SHISA7: variants seen among roughly 807,000 people sequenced by gnomAD.
The protein encoded by SHISA7 is protein shisa-7.
In SHISA7, 6 loss-of-function variants were observed where a neutral mutation model predicts 23.9. The observed-to-expected ratio is 0.25, with a 90% CI of 0.14 to 0.50. SHISA7 has a LOEUF of 0.50. Among genes scored for constraint, SHISA7 ranks in the 20% least tolerant of loss-of-function variants. The pLI, the probability that SHISA7 is intolerant of heterozygous loss-of-function variation, is 0.98. For synonymous variants in SHISA7, 386 were observed against 398.3 expected (o/e 0.97, Z 0.37); for missense variants, 671 against 801.1 (o/e 0.84, Z 1.96).
Position 55,433,830 on chromosome 19 carries a change from G to A in SHISA7, c.977-34C>T. 7.3e-7 allele frequency: 1 copy of A among 1,367,386 alleles called. No individual in the cohort carries two copies. Among genetic ancestry groups the A allele is most frequent in the Non-Finnish European group, 9.4e-7 (1 of 1,067,732 alleles). 84.7% of individuals were successfully genotyped at this position (1,367,386 alleles called of 1,614,324 possible). A position where few individuals can be genotyped will look rare whatever the true frequency, so the allele number is the denominator to read the frequency against. Reference sequence around the variant, plus strand: ...AGAGGGGGAAAAGCCACAGCCGTGGGTCCCCTGCGCATCTAGAGCCCTCCC... The same window carrying A: ...AGAGGGGGAAAAGCCACAGCCGTGGATCCCCTGCGCATCTAGAGCCCTCCC... On this transcript the variant is annotated intron_variant, in intron 3 of 3. Coordinates refer to ENST00000376325, the MANE Select transcript of SHISA7 (RefSeq NM_001145176.2). This position sits in a 1 kb window ranked among gnomAD's most constrained non-coding sequence, Gnocchi z 8.4.
chr19:55,430,298 C>T lies in SHISA7; in HGVS notation c.*2858G>A, dbSNP rs1307078792. 1 of 152,240 alleles carries T rather than the reference C, an allele frequency of 6.6e-6. No homozygotes were observed. Among genetic ancestry groups the T allele is most frequent in the African/African-American group, 2.4e-5 (1 of 41,404 alleles). 9.4% of individuals were successfully genotyped at this position (152,240 alleles called of 1,614,324 possible). A position where few individuals can be genotyped will look rare whatever the true frequency, so the allele number is the denominator to read the frequency against. ...CTTCAGAGGGGGACAGCTGGCCCCACCCCTGTCCTTTTAGTGGAAACGGGA... is the reference window on the plus strand; with the variant it reads ...CTTCAGAGGGGGACAGCTGGCCCCATCCCTGTCCTTTTAGTGGAAACGGGA... On this transcript the variant is annotated 3_prime_UTR_variant, in exon 4 of 4. Transcript: ENST00000376325.
Position 55,433,150 on chromosome 19 carries a change from C to A in SHISA7, c.*6G>T. The A allele has an allele frequency of 6.6e-7, 1 of 1,518,010 alleles. No homozygotes were observed. 94.0% of individuals were successfully genotyped at this position (1,518,010 alleles called of 1,614,324 possible). A position where few individuals can be genotyped will look rare whatever the true frequency, so the allele number is the denominator to read the frequency against. On this transcript the variant is annotated 3_prime_UTR_variant, in exon 4 of 4. Coordinates refer to ENST00000376325, the MANE Select transcript of SHISA7 (RefSeq NM_001145176.2). This position sits in a 1 kb window ranked among gnomAD's most constrained non-coding sequence, Gnocchi z 8.4. Reference sequence around the variant, plus strand: ...AGGCCGCAGCCCCCCAGACCCGGCCCTGGCCTCAGACAGTCACCTCGTTCT... The same window carrying A: ...AGGCCGCAGCCCCCCAGACCCGGCCATGGCCTCAGACAGTCACCTCGTTCT...
In SHISA7 at chr19:55,433,147, G is replaced by A; in HGVS notation, c.*9C>T. 6.6e-7 allele frequency: 1 copy of A among 1,517,136 alleles called. No individual in the cohort carries two copies. The highest frequency in any genetic ancestry group is 2.7e-5 in the East Asian group (1 of 37,430). The allele number at this position is 1,517,136 out of a possible 1,614,324, so 94.0% of individuals were successfully genotyped here. A position where few individuals can be genotyped will look rare whatever the true frequency, so the allele number is the denominator to read the frequency against. Reference sequence around the variant, plus strand: ...GGGAGGCCGCAGCCCCCCAGACCCGGCCCTGGCCTCAGACAGTCACCTCGT... The same window carrying A: ...GGGAGGCCGCAGCCCCCCAGACCCGACCCTGGCCTCAGACAGTCACCTCGT... On this transcript the variant is annotated 3_prime_UTR_variant, in exon 4 of 4. Transcript: ENST00000376325. The surrounding 1 kb of genome is among the most constrained non-coding windows in gnomAD (Gnocchi z 8.4).
rs1040717222 is a variant in SHISA7, at chr19:55,433,519, G to C, written c.1254C>G (p.Pro418=). 4.1e-6 allele frequency: 6 copies of C among 1,475,208 alleles called. No individual in the cohort carries two copies. The highest frequency in any genetic ancestry group is 5.4e-6 in the Non-Finnish European group (6 of 1,120,054). 91.4% of individuals were successfully genotyped at this position (1,475,208 alleles called of 1,614,324 possible). Residue 418 remains proline, a synonymous_variant, in exon 4 of 4, where the codon CCC becomes CCG. Coordinates refer to ENST00000376325, the MANE Select transcript of SHISA7 (RefSeq NM_001145176.2). The surrounding 1 kb of genome is among the most constrained non-coding windows in gnomAD (Gnocchi z 8.4). ...VSQEHLLLSS[P]EALRQSREHL... ...GCTCGCGACTCTGGCGCAGGGCCTC[G>C]GGCGAGGACAGCAGCAGGTGCTCCT...
intron 3 of SHISA7, among the ~76,000 whole-genome samples, chr19:55,435,228 G>A (rs1215085217): frequency 3.1e-5 from 4 of 127,196 alleles, no homozygotes; most frequent in African/African-American, 9.7e-5. Flanking sequence ...GTGTGTGTAT[G>A]TGTGTGTGCG....
Position 55,433,132 on chromosome 19 carries a change from A to G in SHISA7, c.*24T>C. ...TGGGACGGGGGGCCCGGGAGGCCGC[A>G]GCCCCCCAGACCCGGCCCTGGCCTC... On this transcript the variant is annotated 3_prime_UTR_variant, in exon 4 of 4. Transcript: ENST00000376325. This position sits in a 1 kb window ranked among gnomAD's most constrained non-coding sequence, Gnocchi z 8.4. 6.6e-7 allele frequency: 1 copy of G among 1,507,106 alleles called. No individual in the cohort carries two copies. The highest frequency in any genetic ancestry group is 1.2e-5 in the South Asian group (1 of 82,008). 93.4% of individuals were successfully genotyped at this position (1,507,106 alleles called of 1,614,324 possible).
intron 3 of SHISA7, 120 bp downstream of exon 3, chr19:55,437,485 A>G: frequency 7.7e-7 from 1 of 1,291,026 alleles, no homozygotes; most frequent in Non-Finnish European, 1.0e-6. Context: ...AACTTGGAGT[A>G]AAACCTGGGA....
chr19:55,435,954 ATGTG>A (rs113452084), intron 3 of SHISA7, among the ~76,000 whole-genome samples: 5 of 70,518 alleles, frequency 7.1e-5, no homozygotes, highest in South Asian at 6.6e-4. Flanking sequence ...AAATATACAC[ATGTG>A]TGTGTGTGTG....
chr19:55,435,081 G>GTT, intron 3 of SHISA7, among the ~76,000 whole-genome samples: 1 of 26,038 alleles, frequency 3.8e-5, no homozygotes, highest in Admixed American at 5.8e-4. Context: ...GGTGTGTGTG[G>GTT]TGTGTGTGGT....
Position 55,433,009 on chromosome 19 carries a change from T to C in SHISA7, c.*147A>G. On this transcript the variant is annotated 3_prime_UTR_variant, in exon 4 of 4. Transcript: ENST00000376325. This position sits in a 1 kb window ranked among gnomAD's most constrained non-coding sequence, Gnocchi z 8.4. The stretch of plus-strand genomic sequence containing the variant: ...AAGTAATAGGAGGAGGAATCTTGTC[T>C]GCCAGGACATCCCAGAAGGAGGCTT... 7 of 986,968 alleles carry C rather than the reference T, an allele frequency of 7.1e-6. No homozygotes were observed. In the South Asian group the frequency reaches 1.3e-4, roughly 19 times the overall value. The allele number at this position is 986,968 out of a possible 1,614,324, so 61.1% of individuals were successfully genotyped here.
chr19:55,439,069 C>T (rs1159938824), intron 2 of SHISA7, among the ~76,000 whole-genome samples: 12 of 152,286 alleles, frequency 7.9e-5, no homozygotes, highest in Non-Finnish European at 4.4e-5. Context: ...GGTAACTGCC[C>T]TTCCACTGCT....
At chr19:55,435,226 ATGTG>A (rs746948100) in intron 3 of SHISA7, among the ~76,000 whole-genome samples, 1 of 62,392 alleles carries the variant, frequency 1.6e-5, no homozygotes, top group Non-Finnish European at 3.0e-5. Context: ...GTGTGTGTGT[ATGTG>A]TGTGTGCGTG....
In SHISA7 at chr19:55,433,826, G is replaced by A. The variant is rs1415346722; in HGVS notation, c.977-30C>T. 11 of 1,369,518 alleles carry A rather than the reference G, an allele frequency of 8.0e-6. No individual in the cohort carries two copies. The highest frequency in any genetic ancestry group is 1.7e-5 in the South Asian group (1 of 59,770). 84.8% of individuals were successfully genotyped at this position (1,369,518 alleles called of 1,614,324 possible). A position where few individuals can be genotyped will look rare whatever the true frequency, so the allele number is the denominator to read the frequency against. On this transcript the variant is annotated intron_variant, in intron 3 of 3. Transcript: ENST00000376325. The surrounding 1 kb of genome is among the most constrained non-coding windows in gnomAD (Gnocchi z 8.4). ...GGGGAGAGGGGGAAAAGCCACAGCCGTGGGTCCCCTGCGCATCTAGAGCCC... is the reference window on the plus strand; with the variant it reads ...GGGGAGAGGGGGAAAAGCCACAGCCATGGGTCCCCTGCGCATCTAGAGCCC...
At position 55,442,705 on chromosome 19, in the gene SHISA7, C is replaced by T; in HGVS notation, c.159G>A (p.Ala53=). 1 of 1,018,750 alleles carries T rather than the reference C, an allele frequency of 9.8e-7. No individual in the cohort carries two copies. Among genetic ancestry groups the T allele is most frequent in the South Asian group, 4.5e-5 (1 of 22,418 alleles). 63.1% of individuals were successfully genotyped at this position (1,018,750 alleles called of 1,614,324 possible). ...LTGALTGGGG[A]ASPGANGTRT... ...TGGTGCCGTTGGCGCCTGGGCTCGC[C>T]GCGCCCCCGCCGCCCGTCAGCGCCC... is the stretch of plus-strand genomic sequence containing the variant. Residue 53 remains alanine, a synonymous_variant, in exon 1 of 4, where the codon GCG becomes GCA. Coordinates refer to ENST00000376325, the MANE Select transcript of SHISA7 (RefSeq NM_001145176.2).
At chr19:55,440,494 TA>T in intron 2 of SHISA7, 116 bp downstream of exon 2, 23 of 953,248 alleles carry the variant, frequency 2.4e-5, no homozygotes, top group Non-Finnish European at 3.0e-5. Context: ...AAGGCGGGCG[TA>T]GGGGGTGAGG....
At chr19:55,434,657 G>GTGTA (rs1985343761) in intron 3 of SHISA7, among the ~76,000 whole-genome samples, 1 of 53,590 alleles carries the variant, frequency 1.9e-5, no homozygotes, top group Non-Finnish European at 4.4e-5. Flanking sequence ...TATGGTGTGT[G>GTGTA]TGGTGTGTGT....
At chr19:55,435,408 T>TGTTG (rs1555753677) in intron 3 of SHISA7, among the ~76,000 whole-genome samples, 2 of 132,470 alleles carry the variant, frequency 1.5e-5, no homozygotes, top group Admixed American at 8.0e-5. Flanking sequence ...TGGGTGTGTG[T>TGTTG]TGTGTGTGTG....
At position 55,442,615 on chromosome 19, in the gene SHISA7, G is replaced by C; in HGVS notation, c.249C>G (p.His83Gln). The change falls in exon 1 of 4, where the codon CAC becomes CAG. Residue 83 changes from histidine (H) to glutamine (Q), a missense_variant. This residue lies in a region of SHISA7 where 48 missense variants were observed against 111.0 expected (regional missense o/e 0.43). Transcript: ENST00000376325. ...ARAPPPAELC[H>Q]GYYDVMGQYD... is the part of the protein sequence containing the mutation. Reference sequence around the variant, plus strand: ...ACTGGCCCATGACATCGTAGTAGCCGTGGCAGAGCTCGGCGGGAGGGGGCG... The same window carrying C: ...ACTGGCCCATGACATCGTAGTAGCCCTGGCAGAGCTCGGCGGGAGGGGGCG... The C allele has an allele frequency of 7.1e-6, 10 of 1,414,084 alleles. No homozygotes were observed. The highest frequency in any genetic ancestry group is 9.3e-6 in the Non-Finnish European group (10 of 1,070,744). The allele number at this position is 1,414,084 out of a possible 1,614,324, so 87.6% of individuals were successfully genotyped here. A position where few individuals can be genotyped will look rare whatever the true frequency, so the allele number is the denominator to read the frequency against.
chr19:55,435,385 T>TGGTGTGTGTGGTGTATATGTGG (rs1985429895), intron 3 of SHISA7, among the ~76,000 whole-genome samples: 1 of 109,612 alleles, frequency 9.1e-6, no homozygotes, highest in South Asian at 2.9e-4. Context: ...GGTGTATATG[T>TGGTGTGTGTGGTGTATATGTGG]GGTGTGTGTG....
Sources: allele counts gnomAD v4.1 joint callset (sites outside exome capture counted in the v4.1 genomes callset), GRCh38; gene constraint gnomAD v4.1.1; regional missense constraint gnomAD v4.1.1; non-coding constraint Gnocchi (gnomAD v3.1); transcripts MANE v1.5; gene names NCBI Gene and HGNC (gene_info 2026-07-23, HGNC 2026-07-21).